Variants in KGD4 observed in about 807,000 individuals in gnomAD.
The protein encoded by KGD4 is alpha-ketoglutarate dehydrogenase subunit 4.
chr5:69,227,977 T>G, the KGD4 span, among the ~76,000 whole-genome samples: 1 of 152,188 alleles, frequency 6.6e-6, no homozygotes, highest in African/African-American at 2.4e-5. Context: ...TATAAAAATT[T>G]TAAAGCTACC....
chr5:69,218,122 T>G, the KGD4 span: 1 of 566,686 alleles, frequency 1.8e-6, no homozygotes, highest in Non-Finnish European at 3.1e-6. Flanking sequence ...GTAGGTCCTG[T>G]ACCTACTGCC....
chr5:69,217,993 C>T, the KGD4 span: 1 of 1,512,628 alleles, frequency 6.6e-7, no homozygotes, highest in East Asian at 2.3e-5. Context: ...TGCGGAGGGC[C>T]AGTGACGGCG....
chr5:69,223,581 T>C, the KGD4 span, among the ~76,000 whole-genome samples: 4 of 152,184 alleles, frequency 2.6e-5, no homozygotes, highest in African/African-American at 7.2e-5. Flanking sequence ...CTCAGTCTTA[T>C]TCGTTACATA....
the KGD4 span, among the ~76,000 whole-genome samples, chr5:69,226,584 C>T: frequency 3.8e-4 from 58 of 152,150 alleles, no homozygotes; most frequent in African/African-American, 1.4e-3. Context: ...CGGTGGCTCA[C>T]GCCTGTCATC....
the KGD4 span, chr5:69,218,222 A>T: frequency 6.6e-6 from 2 of 301,968 alleles, no homozygotes; most frequent in Middle Eastern, 9.4e-4. Context: ...ATCGCCGTCT[A>T]GGATTGGCTG....
At chr5:69,222,793 G>GTT in the KGD4 span, among the ~76,000 whole-genome samples, 137 of 148,842 alleles carry the variant, frequency 9.2e-4, no homozygotes, top group African/African-American at 1.3e-3. Flanking sequence ...TAATAGAGAA[G>GTT]TTTTTTTTTT....
At chr5:69,225,567 CTT>C in the KGD4 span, among the ~76,000 whole-genome samples, 34 of 120,236 alleles carry the variant, frequency 2.8e-4, no homozygotes, top group Admixed American at 5.4e-4. Flanking sequence ...GCTCAGCCAC[CTT>C]TTTTTTTTTT....
At chr5:69,218,830 C>A in the KGD4 span, among the ~76,000 whole-genome samples, 3 of 152,136 alleles carry the variant, frequency 2.0e-5, no homozygotes, top group Non-Finnish European at 2.9e-5. Flanking sequence ...AATCCTAGAT[C>A]CCAGTCTTTG....
chr5:69,219,122 G>A, the KGD4 span, among the ~76,000 whole-genome samples: 1 of 152,158 alleles, frequency 6.6e-6, no homozygotes, highest in Non-Finnish European at 1.5e-5. Flanking sequence ...CCACCAAAAT[G>A]ACTAAAATTT....
chr5:69,228,550 T>C, the KGD4 span, among the ~76,000 whole-genome samples: 3 of 152,136 alleles, frequency 2.0e-5, no homozygotes, highest in African/African-American at 7.2e-5. Flanking sequence ...AAAGAAACCA[T>C]AGTCAAATCC....
the KGD4 span, among the ~76,000 whole-genome samples, chr5:69,219,218 A>G: frequency 6.6e-6 from 1 of 152,250 alleles, no homozygotes; most frequent in Non-Finnish European, 1.5e-5. Context: ...CACTTTGGAA[A>G]GCTGTCAGTC....
chr5:69,224,909 C>G, the KGD4 span, among the ~76,000 whole-genome samples: 1 of 151,484 alleles, frequency 6.6e-6, no homozygotes, highest in Non-Finnish European at 1.5e-5. Context: ...CCCGTCTCTA[C>G]TAAAAGTGAA....
the KGD4 span, chr5:69,228,291 G>A: frequency 5.6e-6 from 9 of 1,609,522 alleles, no homozygotes; most frequent in South Asian, 1.1e-5. Context: ...ATTTGCTGAT[G>A]TATCAGGGTC....
the KGD4 span, chr5:69,229,330 T>C: frequency 3.3e-6 from 3 of 906,006 alleles, no homozygotes; most frequent in Non-Finnish European, 4.9e-6. Flanking sequence ...TTAATAAATA[T>C]TATGAAAAAA....
the KGD4 span, among the ~76,000 whole-genome samples, chr5:69,226,064 A>G: frequency 6.6e-6 from 1 of 152,178 alleles, no homozygotes; most frequent in Non-Finnish European, 1.5e-5. Flanking sequence ...AAGTCATGCA[A>G]CATAAACTCT....
chr5:69,225,412 C>T, the KGD4 span, among the ~76,000 whole-genome samples: 3 of 151,276 alleles, frequency 2.0e-5, no homozygotes, highest in Admixed American at 2.0e-4. Context: ...TACAGGTGTG[C>T]ACTACCACCA....
chr5:69,218,376 T>C, the KGD4 span, among the ~76,000 whole-genome samples: 3 of 152,146 alleles, frequency 2.0e-5, no homozygotes, highest in African/African-American at 7.2e-5. Context: ...CCGGAGCGGG[T>C]TCTCCCCAAC....
At chr5:69,223,332 G>T in the KGD4 span, among the ~76,000 whole-genome samples, 1 of 151,884 alleles carries the variant, frequency 6.6e-6, no homozygotes, top group Non-Finnish European at 1.5e-5. Flanking sequence ...ACCCACCTCG[G>T]CCTCTCAAAG....
the KGD4 span, chr5:69,229,145 C>A: frequency 7.1e-7 from 1 of 1,404,308 alleles, no homozygotes; most frequent in South Asian, 1.2e-5. Context: ...GTAAAATTGC[C>A]ATCAAAACAT....
Sources: gnomAD v4.1 joint callset for allele counts (sites outside exome capture counted in the v4.1 genomes callset) on GRCh38, gnomAD v4.1.1 for gene constraint, MANE v1.5 for transcripts, NCBI Gene and HGNC (gene_info 2026-07-23, HGNC 2026-07-21) for gene names.